TMEM150C: variants seen among roughly 807,000 people sequenced by gnomAD.
The protein encoded by TMEM150C is tentonin 3.
Under a neutral mutation model 29.9 loss-of-function variants are expected in TMEM150C, and 10 were observed. That is an observed-to-expected ratio of 0.33 (90% CI 0.21 to 0.57). The LOEUF (loss-of-function observed/expected upper bound fraction) is 0.57. Ranked by LOEUF, TMEM150C falls within the 20% of genes least tolerant of loss-of-function variation. The pLI is 0.88. For missense variants in TMEM150C, 251 were observed against 303.6 expected (o/e 0.83, Z 1.29); for synonymous variants, 101 against 112.5 (o/e 0.90, Z 0.64).
At chr4:82,543,790 C>T (rs1047835403) in intron 1 of TMEM150C, among the ~76,000 whole-genome samples, 2 of 152,094 alleles carry the variant, frequency 1.3e-5, no homozygotes, top group Non-Finnish European at 2.9e-5. Flanking sequence ...CACATAGGGC[C>T]AATTCTCTCA....
chr4:82,511,472 A>ATTTTTTTTTTTTTT (rs397935719), intron 1 of TMEM150C, among the ~76,000 whole-genome samples: 8 of 106,354 alleles, frequency 7.5e-5, no homozygotes, highest in African/African-American at 1.6e-4. Context: ...TCCCAACACT[A>ATTTTTTTTTTTTTT]TTTTTTTTTT....
At chr4:82,550,557 T>C (rs1725538791) in intron 1 of TMEM150C, among the ~76,000 whole-genome samples, 1 of 151,954 alleles carries the variant, frequency 6.6e-6, no homozygotes. Flanking sequence ...TCCCAGCACT[T>C]TGGGAGGCCG....
chr4:82,546,723 G>T (rs953266484), intron 1 of TMEM150C, among the ~76,000 whole-genome samples: 20 of 152,116 alleles, frequency 1.3e-4, no homozygotes, highest in African/African-American at 4.6e-4. Context: ...AGCTACTTGG[G>T]AGGCTGAGGC....
chr4:82,553,970 C>A (rs918197464), intron 1 of TMEM150C, among the ~76,000 whole-genome samples: 2 of 152,190 alleles, frequency 1.3e-5, no homozygotes, highest in Non-Finnish European at 2.9e-5. Context: ...TGGGGAAACA[C>A]CAATCAAAAT....
At chr4:82,553,072 A>G (rs904179066) in intron 1 of TMEM150C, among the ~76,000 whole-genome samples, 1 of 152,230 alleles carries the variant, frequency 6.6e-6, no homozygotes, top group East Asian at 1.9e-4. Context: ...CAGGCTAGCC[A>G]GTGCATTGTC....
intron 1 of TMEM150C, among the ~76,000 whole-genome samples, chr4:82,537,106 C>T (rs1487682205): frequency 1.3e-5 from 2 of 152,066 alleles, no homozygotes; most frequent in African/African-American, 2.4e-5. Flanking sequence ...CTCAGCCTCC[C>T]GAGCAGCTGA....
chr4:82,557,831 G>A (rs913188121), intron 1 of TMEM150C, among the ~76,000 whole-genome samples: 1 of 151,216 alleles, frequency 6.6e-6, no homozygotes, highest in African/African-American at 2.4e-5. Flanking sequence ...CCTCTCCCGG[G>A]ACCAAGCGAT....
At chr4:82,530,088 C>A (rs1047595407) in intron 1 of TMEM150C, among the ~76,000 whole-genome samples, 1 of 138,274 alleles carries the variant, frequency 7.2e-6, no homozygotes, top group South Asian at 2.1e-4. Context: ...CTTTCAATCT[C>A]TCTCTCTCTC....
chr4:82,488,775 G>A (rs1471261924), intron 7 of TMEM150C, among the ~76,000 whole-genome samples: 2 of 152,006 alleles, frequency 1.3e-5, no homozygotes, highest in Admixed American at 6.6e-5. Context: ...ACCACACCCT[G>A]CTAATTTTTC....
chr4:82,509,108 C>A (rs1259387754), intron 1 of TMEM150C, among the ~76,000 whole-genome samples: 1 of 152,162 alleles, frequency 6.6e-6, no homozygotes, highest in Admixed American at 6.5e-5. Context: ...TTCTTTTCTT[C>A]CAATAAATGT....
chr4:82,496,206 A>G lies in TMEM150C; in HGVS notation c.236-11T>C, dbSNP rs1255069924. 3 of 1,612,558 alleles carry G rather than the reference A, an allele frequency of 1.9e-6. No homozygotes were observed. Among genetic ancestry groups the G allele is most frequent in the Admixed American group, 1.7e-5 (1 of 59,786 alleles). On this transcript the variant is annotated splice_polypyrimidine_tract_variant and intron_variant, in intron 5 of 7. Coordinates refer to ENST00000449862, the MANE Select transcript of TMEM150C (RefSeq NM_001080506.3). Reference sequence around the variant, plus strand: ...CAGCTACCACAAGGGCTAGGAATAAAGCAAAGTCTTAAAATGGAAGAAATT... The same window carrying G: ...CAGCTACCACAAGGGCTAGGAATAAGGCAAAGTCTTAAAATGGAAGAAATT...
intron 1 of TMEM150C, among the ~76,000 whole-genome samples, chr4:82,507,406 C>T (rs1259639472): frequency 6.6e-6 from 1 of 152,166 alleles, no homozygotes; most frequent in Non-Finnish European, 1.5e-5. Context: ...AAGACTATGG[C>T]ATCAAGCTAC....
chr4:82,547,104 C>CA (rs1443475674), intron 1 of TMEM150C, among the ~76,000 whole-genome samples: 3 of 152,074 alleles, frequency 2.0e-5, no homozygotes, highest in Non-Finnish European at 4.4e-5. Context: ...ACAGAGTAAA[C>CA]AGACAACCTA....
intron 1 of TMEM150C, among the ~76,000 whole-genome samples, chr4:82,544,521 G>T (rs1247130808): frequency 6.6e-6 from 1 of 152,200 alleles, no homozygotes; most frequent in Non-Finnish European, 1.5e-5. Context: ...GCTCATGCCT[G>T]TAATCCCAGC....
At chr4:82,518,386 C>T (rs1267471645) in intron 1 of TMEM150C, among the ~76,000 whole-genome samples, 1 of 152,102 alleles carries the variant, frequency 6.6e-6, no homozygotes, top group East Asian at 1.9e-4. Flanking sequence ...GCCAGTGTGC[C>T]CCTCAGCGGC....
At chr4:82,559,703 C>G (rs1223557583) in intron 1 of TMEM150C, among the ~76,000 whole-genome samples, 1 of 152,214 alleles carries the variant, frequency 6.6e-6, no homozygotes, top group African/African-American at 2.4e-5. Context: ...GGACCCTTAC[C>G]AGAACCTAAT....
intron 1 of TMEM150C, among the ~76,000 whole-genome samples, chr4:82,556,694 T>A (rs1003400513): frequency 6.6e-6 from 1 of 151,660 alleles, no homozygotes; most frequent in Non-Finnish European, 1.5e-5. Context: ...CAGAAAACAA[T>A]AACAATAAAA....
chr4:82,551,385 C>T (rs575325606), intron 1 of TMEM150C, among the ~76,000 whole-genome samples: 26 of 152,286 alleles, frequency 1.7e-4, no homozygotes, highest in Non-Finnish European at 3.2e-4. Context: ...TCACCAATAC[C>T]TAGATTATGG....
At chr4:82,550,426 T>C (rs959473365) in intron 1 of TMEM150C, among the ~76,000 whole-genome samples, 4 of 152,028 alleles carry the variant, frequency 2.6e-5, no homozygotes, top group African/African-American at 9.7e-5. Context: ...GATGGATATA[T>C]AAGAAAGAGT....
Sources: allele counts gnomAD v4.1 joint callset (sites outside exome capture counted in the v4.1 genomes callset), GRCh38; gene constraint gnomAD v4.1.1; transcripts MANE v1.5; gene names NCBI Gene and HGNC (gene_info 2026-07-23, HGNC 2026-07-21).